DMD: variants seen among roughly 807,000 people sequenced by gnomAD.
DMD encodes the protein mutant dystrophin.
Under a neutral mutation model 330.1 loss-of-function variants are expected in DMD, and 63 were observed. That is an observed-to-expected ratio of 0.19 (90% CI 0.16 to 0.24). The LOEUF is 0.24. Ranked by LOEUF, DMD falls within the 10% of genes least tolerant of loss-of-function variation. The pLI is 1.00. For missense variants in DMD, 3,344 were observed against 2,684.1 expected, an observed-to-expected ratio of 1.25 and a Z score of -5.43; for synonymous variants, 1,223 against 959.8, an observed-to-expected ratio of 1.27 and a Z score of -5.07.
chrX:32,245,009 T>C (rs1169971948), intron 43 of DMD, among the ~76,000 whole-genome samples: 1 of 70,419 alleles, frequency 1.4e-5, no homozygotes, highest in African/African-American at 5.9e-5. Flanking sequence ...CCATTGCTTT[T>C]GGTGTTTTGG....
At chrX:31,715,550 A>AG (rs2084983136) in intron 52 of DMD, among the ~76,000 whole-genome samples, 1 of 108,682 alleles carries the variant, frequency 9.2e-6, no homozygotes, top group Admixed American at 9.9e-5. Flanking sequence ...CTCAAAAAAA[A>AG]AAAAAAAAAA....
intron 52 of DMD, among the ~76,000 whole-genome samples, chrX:31,726,153 G>C (rs144625139): frequency 3.0e-4 from 34 of 112,301 alleles, no homozygotes; most frequent in African/African-American, 1.1e-3. Flanking sequence ...CTCTTACCTA[G>C]ATTATTACTG....
chrX:32,988,671 C>G (rs750393657), intron 2 of DMD, among the ~76,000 whole-genome samples: 1 of 111,778 alleles, frequency 8.9e-6, no homozygotes, highest in South Asian at 3.7e-4. Context: ...TCAAGTTATA[C>G]GGATATGTAT....
chrX:31,153,203 C>T (rs1433193399), intron 74 of DMD, among the ~76,000 whole-genome samples: 2 of 111,862 alleles, frequency 1.8e-5, no homozygotes, highest in African/African-American at 3.3e-5. Context: ...GTGATGCTCT[C>T]TTTCCCAACT....
intron 17 of DMD, among the ~76,000 whole-genome samples, chrX:32,533,478 T>A (rs1354447935): frequency 1.8e-5 from 2 of 111,794 alleles, no homozygotes; most frequent in East Asian, 5.6e-4. Context: ...TCTTTAATTA[T>A]CCAGTCAGAT....
intron 7 of DMD, among the ~76,000 whole-genome samples, chrX:32,749,128 G>A (rs2070463261): frequency 8.9e-6 from 1 of 111,961 alleles, no homozygotes; most frequent in Non-Finnish European, 1.9e-5. Flanking sequence ...TTACTAGACT[G>A]ATTAGTAAAT....
At chrX:31,418,060 A>G (rs1426821663) in intron 60 of DMD, among the ~76,000 whole-genome samples, 1 of 110,451 alleles carries the variant, frequency 9.1e-6, no homozygotes, top group Non-Finnish European at 1.9e-5. Flanking sequence ...ATGCTGGCTT[A>G]TAAATGGAGT....
chrX:32,983,729 G>C (rs1315080533), intron 2 of DMD, among the ~76,000 whole-genome samples: 2 of 111,464 alleles, frequency 1.8e-5, no homozygotes, highest in Admixed American at 1.9e-4. Flanking sequence ...CTTATTAACT[G>C]TATATGTATC....
chrX:32,226,061 C>CTCT (rs1491361568), intron 43 of DMD, among the ~76,000 whole-genome samples: 1 of 111,788 alleles, frequency 8.9e-6, no homozygotes, highest in Non-Finnish European at 1.9e-5. Flanking sequence ...CCAGAAATGA[C>CTCT]TCTTTAATTT....
intron 2 of DMD, among the ~76,000 whole-genome samples, chrX:32,851,679 C>G (rs776383500): frequency 8.9e-6 from 1 of 112,305 alleles, no homozygotes; most frequent in Non-Finnish European, 1.9e-5. Flanking sequence ...TTACGAATTG[C>G]CAACACCACC....
intron 60 of DMD, among the ~76,000 whole-genome samples, chrX:31,360,892 C>T (rs888450547): frequency 2.7e-5 from 3 of 111,856 alleles, no homozygotes; most frequent in Non-Finnish European, 5.6e-5. Context: ...TGAGCTAAGG[C>T]GTGTAAAGCG....
At chrX:32,628,553 A>G (rs1411878442) in intron 11 of DMD, among the ~76,000 whole-genome samples, 1 of 108,610 alleles carries the variant, frequency 9.2e-6, no homozygotes, top group Non-Finnish European at 1.9e-5. Flanking sequence ...TTATTTTCTC[A>G]TACTAATTTT....
intron 48 of DMD, among the ~76,000 whole-genome samples, chrX:31,847,947 C>T (rs2093456455): frequency 8.9e-6 from 1 of 111,905 alleles, no homozygotes; most frequent in African/African-American, 3.2e-5. Context: ...TTATCCAAGA[C>T]CATGTGGCTT....
At chrX:32,618,995 A>G (rs1362461540) in intron 11 of DMD, among the ~76,000 whole-genome samples, 1 of 111,608 alleles carries the variant, frequency 9.0e-6, no homozygotes, top group Non-Finnish European at 1.9e-5. Context: ...AGTATGTCAA[A>G]GAAATATCTG....
At chrX:32,849,593 T>C (rs2080965278) in intron 3 of DMD, 135 bp downstream of exon 3, 2 of 479,533 alleles carry the variant, frequency 4.2e-6, no homozygotes, top group East Asian at 3.8e-5. Flanking sequence ...ACGAGGTTGC[T>C]TTACTAAGGA....
chrX:33,336,151 C>T (rs1289719859), intron 1 of DMD, among the ~76,000 whole-genome samples: 1 of 110,252 alleles, frequency 9.1e-6, no homozygotes, highest in African/African-American at 3.3e-5. Flanking sequence ...TATGGACTTT[C>T]CTTCCTATTT....
intron 2 of DMD, among the ~76,000 whole-genome samples, chrX:32,851,536 A>C (rs1010009028): frequency 2.7e-5 from 3 of 112,620 alleles, no homozygotes; most frequent in African/African-American, 9.7e-5. Context: ...CCGCTGCTAT[A>C]GAAACACCAA....
chrX:33,019,703 TCTAAA>T (rs1288799935), intron 2 of DMD, among the ~76,000 whole-genome samples: 2 of 111,589 alleles, frequency 1.8e-5, no homozygotes, highest in Non-Finnish European at 3.8e-5. Context: ...TGAAATATGC[TCTAAA>T]CTATAGTGGC....
At chrX:32,920,034 T>C (rs2088240344) in intron 2 of DMD, among the ~76,000 whole-genome samples, 1 of 111,535 alleles carries the variant, frequency 9.0e-6, no homozygotes, top group Admixed American at 9.6e-5. Context: ...TGTTTATTGA[T>C]GTCATTCTTA....
Sources: gnomAD v4.1 joint callset for allele counts (sites outside exome capture counted in the v4.1 genomes callset) on GRCh38, gnomAD v4.1.1 for gene constraint, MANE v1.5 for transcripts, NCBI Gene and HGNC (gene_info 2026-07-23, HGNC 2026-07-21) for gene names.